Variants in LRRK2 observed in about 807,000 individuals in gnomAD.
LRRK2 encodes the protein leucine rich repeat kinase 2.
A neutral mutation model predicts 302.6 loss-of-function variants in LRRK2; 203 were observed. The observed-to-expected ratio is 0.67, with a 90% CI of 0.60 to 0.75. The LOEUF is 0.75. Ranked by LOEUF, LRRK2 falls within the 30% of genes least tolerant of loss-of-function variation. The probability of loss-of-function intolerance (pLI) is 0.00; values close to 1 mark genes in which losing one functional copy is unlikely to be tolerated. For synonymous variants in LRRK2, 1,066 were observed against 1,031.9 expected (o/e 1.03, Z -0.63); for missense variants, 2,830 against 2,951.0 (o/e 0.96, Z 0.95).
In LRRK2 at chr12:40,320,188, T is replaced by A. The variant is rs142483656; in HGVS notation, c.5015+13T>A. On this transcript the variant is annotated intron_variant, in intron 34 of 50. Coordinates refer to ENST00000298910, the MANE Select transcript of LRRK2 (RefSeq NM_198578.4). ...TGGTTCCAAGCAGGTAAAGAAAACC[T>A]TAAAAAATTAATTGCTACATGGAAA... 2.2e-4 allele frequency: 347 copies of A among 1,602,726 alleles called. 1 individual carries two copies. In the African/African-American group the frequency reaches 4.1e-3, roughly 19 times the overall value.
In LRRK2 at chr12:40,310,444, C is replaced by A. The variant is rs774322580; in HGVS notation, c.4331C>A (p.Ser1444Tyr). ...WLFNIKARASSSPVILVGTHL... is the reference protein window; with the variant it reads ...WLFNIKARASYSPVILVGTHL... The stretch of plus-strand genomic sequence containing the variant: ...CTTTCCCTCCAGGCTCGCGCTTCTT[C>A]TTCCCCTGTGATTCTCGTTGGCACA... Residue 1444 changes from serine (S) to tyrosine (Y), a missense_variant, in exon 31 of 51, where the codon TCT becomes TAT. Around this residue, in one of 3 missense-constraint regions of LRRK2, gnomAD observed 2,121 missense variants for 2,148.0 expected, o/e 0.99. Transcript: ENST00000298910. The A allele has an allele frequency of 1.2e-6, 2 of 1,613,254 alleles. No individual in the cohort carries two copies. Among genetic ancestry groups the A allele is most frequent in the Admixed American group, 3.3e-5 (2 of 59,856 alleles).
At chr12:40,271,936 A>G (rs1943245202) in intron 14 of LRRK2, among the ~76,000 whole-genome samples, 1 of 152,148 alleles carries the variant, frequency 6.6e-6, no homozygotes, top group South Asian at 2.1e-4. Context: ...TAATGAGTAG[A>G]AGCTTGTTAG....
chr12:40,225,913 C>T (rs1940853129), intron 2 of LRRK2, among the ~76,000 whole-genome samples: 2 of 152,016 alleles, frequency 1.3e-5, no homozygotes, highest in African/African-American at 4.8e-5. Flanking sequence ...AAAATGGGTT[C>T]GGTTTTAGTC....
intron 39 of LRRK2, among the ~76,000 whole-genome samples, chr12:40,328,928 C>A (rs1310145488): frequency 1.3e-5 from 2 of 152,194 alleles, no homozygotes; most frequent in Non-Finnish European, 2.9e-5. Flanking sequence ...ACTTCGCCTT[C>A]TGTTTTCTTC....
At chr12:40,241,102 T>G (rs2136433116) in intron 6 of LRRK2, among the ~76,000 whole-genome samples, 1 of 152,302 alleles carries the variant, frequency 6.6e-6, no homozygotes, top group Middle Eastern at 3.4e-3. Context: ...CAGACTGCCT[T>G]CAAGAAGACA....
At chr12:40,306,962 A>G (rs1944846542) in intron 28 of LRRK2, among the ~76,000 whole-genome samples, 1 of 152,106 alleles carries the variant, frequency 6.6e-6, no homozygotes, top group East Asian at 1.9e-4. Context: ...AGATGGTCAT[A>G]TAAAAATTGG....
Position 40,300,321 on chromosome 12 carries a change from T to C in LRRK2, c.3496+1064T>C, listed in dbSNP as rs560598797. ...GAAATAATAGAGGAAATTATGTTCA[T>C]TTGTATCCTAAATGAACATTTTAAT... On this transcript the variant is annotated intron_variant, in intron 25 of 50. Transcript: ENST00000298910. Among the ~76,000 whole-genome samples the C allele has an allele frequency of 2.6e-5, 4 of 152,310 alleles. No individual in the cohort carries two copies. In the East Asian group the frequency reaches 7.7e-4, roughly 29 times the overall value.
At chr12:40,271,154 T>G (rs1197977646) in intron 14 of LRRK2, among the ~76,000 whole-genome samples, 5 of 152,136 alleles carry the variant, frequency 3.3e-5, no homozygotes, top group Admixed American at 3.3e-4. Flanking sequence ...TGGATCTCTT[T>G]TGCCTTAATC....
chr12:40,290,193 C>A (rs912847127), intron 20 of LRRK2, among the ~76,000 whole-genome samples: 37 of 151,850 alleles, frequency 2.4e-4, no homozygotes, highest in African/African-American at 8.7e-4. Flanking sequence ...TATTTTTCAC[C>A]TTTATTTTGT....
In LRRK2 at chr12:40,325,236, G is replaced by A. The variant is rs923263394; in HGVS notation, c.5656+1930G>A. ...TGGGAGGCGGAGGTTGCAGTGAGCCGAGGTTGTGCCACTGCACTCCAGCCT... is the reference window on the plus strand; with the variant it reads ...TGGGAGGCGGAGGTTGCAGTGAGCCAAGGTTGTGCCACTGCACTCCAGCCT... On this transcript the variant is annotated intron_variant, in intron 38 of 50. Transcript: ENST00000298910. 7.9e-5 allele frequency among the ~76,000 whole-genome samples: 12 copies of A among 152,166 alleles called. No homozygotes were observed. The South Asian group carries it at 1.4e-3, about 18-fold the overall frequency.
rs767321513 is a variant in LRRK2, at chr12:40,298,263, T to G, written c.3117T>G (p.His1039Gln). ...TTCAGACTCTGAAGAGTTTGACACA[T>G]TTGGACTTGCACAGTAATAAATTTA... ...QLCETLKSLT[H>Q]LDLHSNKFTS... Residue 1039 changes from histidine (H) to glutamine (Q), a missense_variant, in exon 24 of 51, where the codon CAT becomes CAG. His to Gln is a conservative substitution (Grantham distance 24). Transcript: ENST00000298910. The G allele has an allele frequency of 6.2e-7, 1 of 1,613,600 alleles. No individual in the cohort carries two copies. The highest frequency in any genetic ancestry group is 8.5e-7 in the Non-Finnish European group (1 of 1,179,858).
chr12:40,243,738 A>ATGTTTT, intron 7 of LRRK2, 57 bp downstream of exon 7: 5 of 1,488,978 alleles, frequency 3.4e-6, no homozygotes, highest in Non-Finnish European at 4.7e-6. Context: ...ATACATATAA[A>ATGTTTT]ACATATATAT....
At chr12:40,306,498 A>C (rs1220761157) in intron 28 of LRRK2, among the ~76,000 whole-genome samples, 1 of 152,192 alleles carries the variant, frequency 6.6e-6, no homozygotes, top group Non-Finnish European at 1.5e-5. Context: ...CACTTTAAGC[A>C]CTTTAAATAT....
intron 14 of LRRK2, among the ~76,000 whole-genome samples, chr12:40,264,889 A>G (rs763877793): frequency 6.6e-6 from 1 of 152,208 alleles, no homozygotes; most frequent in African/African-American, 2.4e-5. Flanking sequence ...ATTTTGCATA[A>G]GATGAATTGG....
chr12:40,272,131 G>T (rs372803402), intron 14 of LRRK2, among the ~76,000 whole-genome samples: 56 of 152,150 alleles, frequency 3.7e-4, no homozygotes, highest in African/African-American at 1.3e-3. Context: ...TTTTACAAGG[G>T]TGACAACAGA....
intron 27 of LRRK2, among the ~76,000 whole-genome samples, chr12:40,305,575 T>TG (rs1253893184): frequency 1.3e-5 from 2 of 152,154 alleles, no homozygotes; most frequent in Admixed American, 1.3e-4. Flanking sequence ...ATAGATTGTT[T>TG]GGGAGTAAGT....
At chr12:40,366,564 T>C (rs1946886261) in intron 49 of LRRK2, 1 of 164,046 alleles carries the variant, frequency 6.1e-6, no homozygotes, top group African/African-American at 2.4e-5. Context: ...TAGTGAATGA[T>C]TTGAAAAGAA....
intron 39 of LRRK2, among the ~76,000 whole-genome samples, chr12:40,332,248 G>A (rs1212261259): frequency 2.6e-5 from 4 of 152,166 alleles, no homozygotes; most frequent in African/African-American, 9.7e-5. Context: ...CTAAAGTCCA[G>A]GGGCTGCATG....
intron 18 of LRRK2, 58 bp downstream of exon 18, chr12:40,278,319 C>T (rs1011396997): frequency 1.3e-6 from 2 of 1,576,262 alleles, no homozygotes; most frequent in African/African-American, 2.7e-5. Flanking sequence ...AATGTAAGAG[C>T]CCTGCCATTG....
Sources: gnomAD v4.1 joint callset for allele counts (sites outside exome capture counted in the v4.1 genomes callset) on GRCh38, gnomAD v4.1.1 for gene constraint, gnomAD v4.1.1 regional missense constraint, MANE v1.5 for transcripts, NCBI Gene and HGNC (gene_info 2026-07-23, HGNC 2026-07-21) for gene names.